The following TLR6 variants were observed in gnomAD, a reference collection of about 807,000 sequenced individuals.
TLR6 encodes toll-like receptor 6.
TLR6 carries 9 observed loss-of-function variants against 16.1 expected under a neutral mutation model. The ratio of observed to expected loss-of-function variants is 0.56; its 90% CI spans 0.34 to 0.98. TLR6 has a LOEUF of 0.98. TLR6 is among the 50% of genes least tolerant of loss of function. The probability of loss-of-function intolerance (pLI) is 0.02; values close to 1 mark genes in which losing one functional copy is unlikely to be tolerated. For missense variants in TLR6, 786 were observed against 921.0 expected (o/e 0.85, Z 1.90); for synonymous variants, 340 against 338.6 (o/e 1.00, Z -0.04).
intron 1 of TLR6, among the ~76,000 whole-genome samples, chr4:38,841,998 T>C (rs966699610): frequency 6.6e-6 from 1 of 152,162 alleles, no homozygotes; most frequent in African/African-American, 2.4e-5. Context: ...GTTTAAAAAT[T>C]TTTTTTTCAG....
Position 38,827,598 on chromosome 4 carries a change from G to A in TLR6, c.1876C>T (p.Arg626Cys), listed in dbSNP as rs778712154. ...TCTAAGGGTATGTTCCTGGCCCTGC[G>A]CCGAGTCTGGGTCCACTGGCACACC... The change falls in exon 2 of 2, where the codon CGC becomes TGC. Residue 626 changes from arginine (R) to cysteine (C), a missense_variant. Transcript: ENST00000436693. 57 of 1,614,066 alleles carry A rather than the reference G, an allele frequency of 3.5e-5. No individual in the cohort carries two copies. Among genetic ancestry groups the A allele is most frequent in the South Asian group, 5.5e-5 (5 of 91,092 alleles).
chr4:38,847,512 G>T (rs574035436), intron 1 of TLR6, among the ~76,000 whole-genome samples: 1 of 64 alleles, frequency 0.016, no homozygotes, highest in Non-Finnish European at 0.038. Context: ...AAGCACAAGG[G>T]GTCAGGAATT....
intron 1 of TLR6, among the ~76,000 whole-genome samples, chr4:38,834,442 G>C (rs1711796849): frequency 6.6e-6 from 1 of 151,094 alleles, no homozygotes; most frequent in Non-Finnish European, 1.5e-5. Flanking sequence ...TCCAGAAGCA[G>C]AAGAGATGAG....
upstream of TLR6, among the ~76,000 whole-genome samples, chr4:38,859,216 GAC>G (rs957582270): frequency 6.6e-6 from 1 of 152,196 alleles, no homozygotes; most frequent in African/African-American, 2.4e-5. Context: ...GTCCTCATAA[GAC>G]ACACAGAGAA....
upstream of TLR6, among the ~76,000 whole-genome samples, chr4:38,858,798 A>AGAGAGAGAGG (rs1560274577): frequency 6.0e-4 from 65 of 108,750 alleles, no homozygotes; most frequent in Non-Finnish European, 7.8e-4. Context: ...AGAGGGAGAG[A>AGAGAGAGAGG]GAGAGAGAGA....
At chr4:38,831,862 T>C (rs1301068267) in intron 1 of TLR6, among the ~76,000 whole-genome samples, 1 of 152,254 alleles carries the variant, frequency 6.6e-6, no homozygotes, top group Admixed American at 6.5e-5. Context: ...CATCAAATGT[T>C]GGTGAGGATG....
At chr4:38,836,331 T>C (rs1307849895) in intron 1 of TLR6, among the ~76,000 whole-genome samples, 1 of 152,058 alleles carries the variant, frequency 6.6e-6, no homozygotes, top group African/African-American at 2.4e-5. Context: ...TAAAAGATCA[T>C]TGGAGGCAAT....
At chr4:38,857,619 A>G (rs1463853124), upstream of TLR6, among the ~76,000 whole-genome samples, 3 of 151,990 alleles carry the variant, frequency 2.0e-5, no homozygotes, top group African/African-American at 2.4e-5. Flanking sequence ...ATCATTCTAT[A>G]ATTTATCTCA....
intron 1 of TLR6, among the ~76,000 whole-genome samples, chr4:38,841,687 G>A (rs934775384): frequency 5.3e-5 from 8 of 152,158 alleles, no homozygotes; most frequent in African/African-American, 1.9e-4. Flanking sequence ...ATATATATGC[G>A]GTGGTGACCC....
At chr4:38,833,401 T>C (rs6531670) in intron 1 of TLR6, among the ~76,000 whole-genome samples, 62,394 of 152,046 alleles carry the variant, frequency 0.41, 14,438 homozygotes, top group African/African-American at 0.64. Context: ...CTGACAACTG[T>C]AACCTAAGCC....
At chr4:38,861,702 AC>A (rs1302191857), upstream of TLR6, among the ~76,000 whole-genome samples, 1 of 151,430 alleles carries the variant, frequency 6.6e-6, no homozygotes, top group African/African-American at 2.4e-5. Flanking sequence ...CCTCCTTACT[AC>A]CCTTCCCTAG....
At chr4:38,858,739 GAA>G (rs1400791033), upstream of TLR6, among the ~76,000 whole-genome samples, 2 of 125,002 alleles carry the variant, frequency 1.6e-5, no homozygotes, top group South Asian at 5.4e-4. Context: ...AAGAAAGAAA[GAA>G]AGAGAGAGAG....
chr4:38,837,109 T>A (rs1486545212), intron 1 of TLR6, among the ~76,000 whole-genome samples: 1 of 151,976 alleles, frequency 6.6e-6, no homozygotes, highest in Non-Finnish European at 1.5e-5. Context: ...TGGAAAGACA[T>A]CCCATGTTCA....
chr4:38,838,357 A>G (rs556511979), intron 1 of TLR6, among the ~76,000 whole-genome samples: 7 of 152,370 alleles, frequency 4.6e-5, no homozygotes, highest in East Asian at 1.9e-4. Flanking sequence ...CAGTCCATCA[A>G]CAGATGAATG....
the TLR6 span, among the ~76,000 whole-genome samples, chr4:38,864,494 G>A: frequency 6.6e-6 from 1 of 152,200 alleles, no homozygotes; most frequent in African/African-American, 2.4e-5. Context: ...GAAATATGAA[G>A]CACAATAAAG....
chr4:38,863,773 TGGCATCCTAACA>T, the TLR6 span, among the ~76,000 whole-genome samples: 2 of 152,220 alleles, frequency 1.3e-5, no homozygotes, highest in Admixed American at 1.3e-4. Context: ...ATAACTGCAA[TGGCATCCTAACA>T]GGTATGCCAG....
At chr4:38,844,781 T>C (rs1712445598) in intron 1 of TLR6, among the ~76,000 whole-genome samples, 1 of 152,176 alleles carries the variant, frequency 6.6e-6, no homozygotes, top group Non-Finnish European at 1.5e-5. Flanking sequence ...AGACCTGGCC[T>C]GGTGGCTCAT....
chr4:38,827,175 T>C, exon 2 of TLR6: 2 of 1,614,204 alleles, frequency 1.2e-6, no homozygotes, highest in Non-Finnish European at 1.7e-6. Context: ...CGTTTGCTTT[T>C]CTCCTTGGGC....
At chr4:38,828,794 T>G (rs1329043710) in exon 2 of TLR6, 7 of 1,613,772 alleles carry the variant, frequency 4.3e-6, no homozygotes, top group Non-Finnish European at 5.9e-6. Flanking sequence ...CAATTTAATA[T>G]TAGTCAGTTG....
Sources: allele counts gnomAD v4.1 joint callset (sites outside exome capture counted in the v4.1 genomes callset), GRCh38; gene constraint gnomAD v4.1.1; transcripts MANE v1.5; gene names NCBI Gene and HGNC (gene_info 2026-07-23, HGNC 2026-07-21).